SVEP1: variants seen among roughly 807,000 people sequenced by gnomAD.
SVEP1 encodes sushi, von Willebrand factor type A, EGF and pentraxin domain-containing protein 1.
A neutral mutation model predicts 367.3 loss-of-function variants in SVEP1; 164 were observed. The ratio of observed to expected loss-of-function variants is 0.45; its 90% CI spans 0.39 to 0.51. SVEP1 has a LOEUF of 0.51. Among genes scored for constraint, SVEP1 ranks in the 20% least tolerant of loss-of-function variants. The pLI is 0.00. For synonymous variants in SVEP1, 1,666 were observed against 1,611.6 expected (o/e 1.03, Z -0.81); for missense variants, 4,117 against 4,425.3 (o/e 0.93, Z 1.98).
rs137873380 is a variant in SVEP1 at position 110,564,295 on chromosome 9, A to G, written c.532-14191T>C. Among the ~76,000 whole-genome samples the G allele has an allele frequency of 3.6e-3, 543 of 152,322 alleles. 2 individuals are homozygous for G. Among genetic ancestry groups the G allele is most frequent in the African/African-American group, 0.012 (517 of 41,576 alleles). On this transcript the variant is annotated intron_variant, in intron 1 of 47. Transcript: ENST00000374469. ...AGAAAGAAGAAAAATGTGATTTATG[A>G]TTCAAAGCTGTTAGAAAAGAAATAA...
chr9:110,393,679 A>T (rs1588029935), intron 40 of SVEP1, among the ~76,000 whole-genome samples: 1 of 149,408 alleles, frequency 6.7e-6, no homozygotes, highest in East Asian at 1.9e-4. Flanking sequence ...TTTTTCCAAC[A>T]GGCTTAAAAA....
At chr9:110,379,073 TTTA>T (rs543639274) in intron 44 of SVEP1, among the ~76,000 whole-genome samples, 174 of 152,258 alleles carry the variant, frequency 1.1e-3, no homozygotes, top group African/African-American at 3.9e-3. Context: ...AAAATCATAT[TTTA>T]TTATAAAAGT....
At position 110,411,652 on chromosome 9, in the gene SVEP1, G is replaced by A; in HGVS notation, c.6059C>T (p.Ser2020Phe). 1 of 1,609,876 alleles carries A rather than the reference G, an allele frequency of 6.2e-7. No homozygotes were observed. Among genetic ancestry groups the A allele is most frequent in the African/African-American group, 1.3e-5 (1 of 75,020 alleles). Residue 2020 changes from serine (S) to phenylalanine (F), a missense_variant, in exon 37 of 48, where the codon TCC becomes TTC. Physicochemically the swap from Ser to Phe is radical, Grantham distance 155. Around this residue, in one of 4 missense-constraint regions of SVEP1, gnomAD observed 2,174 missense variants for 2,494.3 expected, o/e 0.87. Coordinates refer to ENST00000374469, the MANE Select transcript of SVEP1 (RefSeq NM_153366.4). ...GTCCACAATGGGTGGCTCATCACAG[G>A]AGACAGCCAGGCACTGCTGGTCACT... ...SRSDQQCLAV[S>F]CDEPPIVDHA...
At chr9:110,476,867 G>A (rs1279044661) in intron 13 of SVEP1, among the ~76,000 whole-genome samples, 2 of 152,058 alleles carry the variant, frequency 1.3e-5, no homozygotes, top group African/African-American at 4.8e-5. Context: ...ACTCTTCGTT[G>A]CTGTTTCCAG....
chr9:110,574,900 C>T lies in SVEP1; in HGVS notation c.531+4113G>A, dbSNP rs574789994. 2.2e-3 allele frequency among the ~76,000 whole-genome samples: 328 copies of T among 152,062 alleles called. 1 individual carries two copies. The highest frequency in any genetic ancestry group is 7.5e-3 in the African/African-American group (310 of 41,478). Reference sequence around the variant, plus strand: ...AGCTGGGACTACAGGCACCCACCACCACGCCCGGCTAATTTTTTGTGTTTT... The same window carrying T: ...AGCTGGGACTACAGGCACCCACCACTACGCCCGGCTAATTTTTTGTGTTTT... On this transcript the variant is annotated intron_variant, in intron 1 of 47. Coordinates refer to ENST00000374469, the MANE Select transcript of SVEP1 (RefSeq NM_153366.4).
At chr9:110,557,722 T>C (rs1045561984) in intron 1 of SVEP1, among the ~76,000 whole-genome samples, 2 of 152,170 alleles carry the variant, frequency 1.3e-5, no homozygotes, top group African/African-American at 4.8e-5. Flanking sequence ...AAATGAGTGT[T>C]GGAATTTATG....
chr9:110,406,944 A>G lies in SVEP1; in HGVS notation c.8656T>C (p.Cys2886Arg). The change falls in exon 38 of 48, where the codon TGT (cysteine) becomes CGT (arginine). Residue 2886 changes from cysteine to arginine, a missense_variant. Around this residue, in one of 4 missense-constraint regions of SVEP1, gnomAD observed 1,765 missense variants for 1,781.1 expected, o/e 0.99. Coordinates refer to ENST00000374469, the MANE Select transcript of SVEP1 (RefSeq NM_153366.4). ...NGSWSGATPD[C>R]VPVRCATPPQ... is the part of the protein sequence containing the mutation. ...GGGGTGGCACATCTGACAGGCACAC[A>G]GTCGGGAGTGGCTCCACTCCAACTT... 6.2e-7 allele frequency: 1 copy of G among 1,613,882 alleles called. No homozygotes were observed. Among genetic ancestry groups the G allele is most frequent in the Non-Finnish European group, 8.5e-7 (1 of 1,179,860 alleles).
intron 3 of SVEP1, among the ~76,000 whole-genome samples, chr9:110,515,702 T>C (rs887658980): frequency 1.3e-5 from 2 of 152,174 alleles, no homozygotes; most frequent in African/African-American, 4.8e-5. Flanking sequence ...ATTTCATTAG[T>C]ATTATTATAT....
At chr9:110,380,398 A>T (rs1827417094) in intron 43 of SVEP1, among the ~76,000 whole-genome samples, 2 of 152,194 alleles carry the variant, frequency 1.3e-5, no homozygotes, top group African/African-American at 2.4e-5. Context: ...AGAGGAGATA[A>T]TAAATTTGTA....
At position 110,499,024 on chromosome 9, in the gene SVEP1, C is replaced by G. The variant is rs1230448436; in HGVS notation, c.1681+17G>C. 1 of 1,606,296 alleles carries G rather than the reference C, an allele frequency of 6.2e-7. No individual in the cohort carries two copies. The highest frequency in any genetic ancestry group is 8.5e-7 in the Non-Finnish European group (1 of 1,175,486). ...TTAAAAAATTTGATTTTTAGCCTGA[C>G]TAGTGTAGAGACCTACCTTTACACA... On this transcript the variant is annotated intron_variant, in intron 7 of 47. Coordinates refer to ENST00000374469, the MANE Select transcript of SVEP1 (RefSeq NM_153366.4).
intron 31 of SVEP1, 25 bp downstream of exon 31, chr9:110,432,437 T>C (rs1828364496): frequency 6.2e-7 from 1 of 1,601,078 alleles, no homozygotes. Context: ...TAATCTCATA[T>C]AGTAGTTGCC....
chr9:110,553,880 C>G (rs1564175062), intron 1 of SVEP1, among the ~76,000 whole-genome samples: 1 of 152,184 alleles, frequency 6.6e-6, no homozygotes, highest in Non-Finnish European at 1.5e-5. Context: ...CCTGTGTCTT[C>G]CTGTATCTTG....
chr9:110,495,458 T>C (rs1829431305), intron 8 of SVEP1, among the ~76,000 whole-genome samples: 1 of 152,122 alleles, frequency 6.6e-6, no homozygotes, highest in African/African-American at 2.4e-5. Flanking sequence ...ATATCACACA[T>C]GAGAGACTGT....
chr9:110,423,108 C>G (rs1295725018), intron 36 of SVEP1, among the ~76,000 whole-genome samples: 1 of 110,704 alleles, frequency 9.0e-6, no homozygotes, highest in Non-Finnish European at 1.8e-5. Context: ...TACCCTAAAA[C>G]TTAGAGTATA....
rs755661346 is a variant in SVEP1, at chr9:110,429,951, C to T, written c.5584G>A (p.Ala1862Thr). The T allele has an allele frequency of 9.3e-6, 15 of 1,612,810 alleles. No homozygotes were observed. The highest frequency in any genetic ancestry group is 3.3e-5 in the Admixed American group (2 of 59,978). Residue 1862 changes from alanine (A) to threonine (T), a missense_variant, in exon 34 of 48, where the codon GCA becomes ACA. Physicochemically the swap from Ala to Thr is moderately conservative, Grantham distance 58. Around this residue, in one of 4 missense-constraint regions of SVEP1, gnomAD observed 2,174 missense variants for 2,494.3 expected, o/e 0.87. Transcript: ENST00000374469. The stretch of plus-strand genomic sequence containing the variant: ...GTCACTTTGCTGCCAAAAGTAAATG[C>T]TAACTCCTCAATGCAACCATTTTCT... The part of the protein sequence containing the change: ...IPENGCIEEL[A>T]FTFGSKVTYR...
intron 41 of SVEP1, among the ~76,000 whole-genome samples, chr9:110,388,179 G>A (rs557042306): frequency 1.3e-4 from 20 of 152,268 alleles, no homozygotes; most frequent in Non-Finnish European, 2.5e-4. Context: ...GGACCCAAGA[G>A]CTTGTGGGGA....
intron 24 of SVEP1, among the ~76,000 whole-genome samples, chr9:110,449,682 T>C (rs966861997): frequency 7.9e-5 from 12 of 152,060 alleles, no homozygotes; most frequent in African/African-American, 2.7e-4. Flanking sequence ...AAATTCCATC[T>C]CAGAAAATAA....
intron 13 of SVEP1, among the ~76,000 whole-genome samples, chr9:110,478,365 G>A (rs1829131254): frequency 6.6e-6 from 1 of 152,134 alleles, no homozygotes; most frequent in Non-Finnish European, 1.5e-5. Flanking sequence ...TGTTTATTCA[G>A]ATCTAAATCC....
At chr9:110,434,539 C>G in intron 29 of SVEP1, 33 bp from the exon 30 acceptor site, 2 of 1,600,928 alleles carry the variant, frequency 1.2e-6, no homozygotes, top group Non-Finnish European at 1.7e-6. Flanking sequence ...CAGAGCTTGT[C>G]AGCGGCATAG....
Sources: allele counts gnomAD v4.1 joint callset (sites outside exome capture counted in the v4.1 genomes callset), GRCh38; gene constraint gnomAD v4.1.1; regional missense constraint gnomAD v4.1.1; transcripts MANE v1.5; gene names NCBI Gene and HGNC (gene_info 2026-07-23, HGNC 2026-07-21).